The following ABLIM2 variants were observed in gnomAD, a reference collection of about 807,000 sequenced individuals.
ABLIM2 encodes the protein actin binding LIM protein family member 2, also known as actin-binding LIM protein 2.
A neutral mutation model predicts 97.7 loss-of-function variants in ABLIM2; 53 were observed. The ratio of observed to expected loss-of-function variants is 0.54; its 90% CI spans 0.44 to 0.68. The LOEUF (loss-of-function observed/expected upper bound fraction) is 0.68. Ranked by LOEUF, ABLIM2 falls within the 30% of genes least tolerant of loss-of-function variation. ABLIM2 has a pLI of 0.00. For synonymous variants in ABLIM2, 361 were observed against 345.8 expected (o/e 1.04, Z -0.49); for missense variants, 835 against 867.2 (o/e 0.96, Z 0.47).
At chr4:8,013,956 C>T (rs543255938) in intron 14 of ABLIM2, among the ~76,000 whole-genome samples, 1 of 152,358 alleles carries the variant, frequency 6.6e-6, no homozygotes, top group African/African-American at 2.4e-5. Context: ...GCGGCATCAA[C>T]ACACCGACAG....
At position 8,096,127 on chromosome 4, in the gene ABLIM2, C is replaced by T. The variant is rs75778271; in HGVS notation, c.338+972G>A. ...CCCACGCTATCCTTCCGGAAACTGC[C>T]TCCAGGAAGGAAGCTGGGGCAATCA... On this transcript the variant is annotated intron_variant, in intron 3 of 20. Transcript: ENST00000447017. Among the ~76,000 whole-genome samples the T allele has an allele frequency of 7.3e-3, 1,105 of 152,272 alleles. 8 individuals are homozygous for T. Among genetic ancestry groups the T allele is most frequent in the African/African-American group, 0.023 (960 of 41,564 alleles).
rs7661393 is a variant in ABLIM2 at position 8,095,799 on chromosome 4, T to C, written c.338+1300A>G. Among the ~76,000 whole-genome samples the C allele has an allele frequency of 0.31, 47,407 of 152,038 alleles. 7,492 individuals carry two copies. Among genetic ancestry groups the C allele is most frequent in the African/African-American group, 0.36 (14,995 of 41,470 alleles). On this transcript the variant is annotated intron_variant, in intron 3 of 20. Transcript: ENST00000447017. The surrounding 1 kb of genome is among the most constrained non-coding windows in gnomAD (Gnocchi z 4.7). The stretch of plus-strand genomic sequence containing the variant: ...GCGACCTTTTGGTGTCCACACTGCA[T>C]GCCCTGGGGTTCGACGAGGAATCTC...
intron 1 of ABLIM2, among the ~76,000 whole-genome samples, chr4:8,152,677 G>T (rs996650442): frequency 6.6e-6 from 1 of 152,352 alleles, no homozygotes; most frequent in African/African-American, 2.4e-5. Context: ...CGTCCATCAT[G>T]CGGGGATGAC....
intron 8 of ABLIM2, among the ~76,000 whole-genome samples, chr4:8,051,538 T>G (rs1579861245): frequency 1.5e-5 from 2 of 130,442 alleles, no homozygotes; most frequent in African/African-American, 6.0e-5. Flanking sequence ...CACTCCAGCC[T>G]GAAGACAGAG....
rs1824446864 is a variant in ABLIM2, at chr4:8,087,493, G to A, written c.454+676C>T. On this transcript the variant is annotated intron_variant, in intron 4 of 20. Transcript: ENST00000447017. The surrounding 1 kb of genome is among the most constrained non-coding windows in gnomAD (Gnocchi z 4.6). ...GGGAGGTGGAGCAGTGAACCCAAGGGCCCCTGACTGCGGGAGCCCGGAGCT... is the reference window on the plus strand; with the variant it reads ...GGGAGGTGGAGCAGTGAACCCAAGGACCCCTGACTGCGGGAGCCCGGAGCT... 6.6e-6 allele frequency among the ~76,000 whole-genome samples: 1 copy of A among 152,206 alleles called. No homozygotes were observed. Among genetic ancestry groups the A allele is most frequent in the Non-Finnish European group, 1.5e-5 (1 of 68,038 alleles).
Position 8,123,622 on chromosome 4 carries a change from A to G in ABLIM2, c.11-16985T>C, listed in dbSNP as rs1337803538. Among the ~76,000 whole-genome samples the G allele has an allele frequency of 6.6e-6, 1 of 152,246 alleles. No individual in the cohort carries two copies. The highest frequency in any genetic ancestry group is 1.5e-5 in the Non-Finnish European group (1 of 68,038). The stretch of plus-strand genomic sequence containing the variant: ...AAACTGGCTGCAGAGGCTCTGTGAC[A>G]TTCACTAACCACCTGCATGACAGAG... On this transcript the variant is annotated intron_variant, in intron 1 of 20. Coordinates refer to ENST00000447017, the MANE Select transcript of ABLIM2 (RefSeq NM_001130083.2). The surrounding 1 kb of genome is among the most constrained non-coding windows in gnomAD (Gnocchi z 6.2).
chr4:8,101,067 T>TA (rs1266525589), intron 2 of ABLIM2, among the ~76,000 whole-genome samples: 9 of 152,290 alleles, frequency 5.9e-5, no homozygotes, highest in Middle Eastern at 3.4e-3. Flanking sequence ...CCACCCAAGG[T>TA]GCTGTCCACC....
In ABLIM2 at chr4:8,002,615, C is replaced by T. The variant is rs974898372; in HGVS notation, c.1618+5444G>A. On this transcript the variant is annotated intron_variant, in intron 16 of 20. Coordinates refer to ENST00000447017, the MANE Select transcript of ABLIM2 (RefSeq NM_001130083.2). The surrounding 1 kb of genome is among the most constrained non-coding windows in gnomAD (Gnocchi z 6.1). ...TCGGCCTGCTTCCACCAGCTTCTGG[C>T]GAGTCCCAGCTCCGCCACCCTCACC... Among the ~76,000 whole-genome samples, 2 of 152,148 alleles carry T rather than the reference C, an allele frequency of 1.3e-5. No individual in the cohort carries two copies. The highest frequency in any genetic ancestry group is 2.9e-5 in the Non-Finnish European group (2 of 68,024).
chr4:8,056,436 G>C (rs2152027569), intron 7 of ABLIM2, among the ~76,000 whole-genome samples: 2 of 151,602 alleles, frequency 1.3e-5, no homozygotes, highest in East Asian at 4.0e-4. Flanking sequence ...AAGTAACTGG[G>C]ACTACAGAAG....
rs991860079 is a variant in ABLIM2 at position 7,966,164 on chromosome 4, T to A, written c.*826A>T. 3.9e-5 allele frequency: 6 copies of A among 152,626 alleles called. No homozygotes were observed. Among genetic ancestry groups the A allele is most frequent in the Admixed American group, 3.9e-4 (6 of 15,304 alleles). 9.5% of individuals were successfully genotyped at this position (152,626 alleles called of 1,614,324 possible). A position where few individuals can be genotyped will look rare whatever the true frequency, so the allele number is the denominator to read the frequency against. On this transcript the variant is annotated 3_prime_UTR_variant, in exon 21 of 21. Transcript: ENST00000447017. ...AAGAAACTAGACAGGGAGCTCTGTGTATGAGGACCACACCAAGAACAGACT... is the reference window on the plus strand; with the variant it reads ...AAGAAACTAGACAGGGAGCTCTGTGAATGAGGACCACACCAAGAACAGACT...
At chr4:8,086,640 C>T (rs1334052467) in intron 4 of ABLIM2, among the ~76,000 whole-genome samples, 3 of 152,170 alleles carry the variant, frequency 2.0e-5, no homozygotes, top group South Asian at 2.1e-4. Context: ...CCACCACACC[C>T]AGCCCATGTT....
rs1755635093 is a variant in ABLIM2, at chr4:7,999,514, G to C, written c.1619-6587C>G. Among the ~76,000 whole-genome samples, 1 of 152,222 alleles carries C rather than the reference G, an allele frequency of 6.6e-6. No individual in the cohort carries two copies. The highest frequency in any genetic ancestry group is 2.1e-4 in the South Asian group (1 of 4,832). The stretch of plus-strand genomic sequence containing the variant: ...CAAGGTCAAACAGTTACTAACTAGA[G>C]AGGCTGAGATGAGGAGGGCTCCCTA... On this transcript the variant is annotated intron_variant, in intron 16 of 20. Coordinates refer to ENST00000447017, the MANE Select transcript of ABLIM2 (RefSeq NM_001130083.2). The surrounding 1 kb of genome is among the most constrained non-coding windows in gnomAD (Gnocchi z 4.4).
chr4:8,019,769 AC>A lies in ABLIM2; in HGVS notation c.1370-99del. 8.4e-7 allele frequency: 1 copy of A among 1,189,012 alleles called. No homozygotes were observed. Among genetic ancestry groups the A allele is most frequent in the Non-Finnish European group, 1.2e-6 (1 of 820,470 alleles). The allele number at this position is 1,189,012 out of a possible 1,614,324, so 73.7% of individuals were successfully genotyped here. ...AGCTTTTTGTAAGCAACAAGCACTC[AC>A]CCAGATTTAGAATCATCAGGCAGGA... is the stretch of plus-strand genomic sequence containing the variant. On this transcript the variant is annotated intron_variant, in intron 13 of 20. Coordinates refer to ENST00000447017, the MANE Select transcript of ABLIM2 (RefSeq NM_001130083.2). This position sits in a 1 kb window ranked among gnomAD's most constrained non-coding sequence, Gnocchi z 4.3.
rs1354410222 is a variant in ABLIM2 at position 7,965,716 on chromosome 4, TG to T, written c.*1273del. The T allele has an allele frequency of 5.3e-5, 8 of 152,310 alleles. No homozygotes were observed. The East Asian group carries it at 1.5e-3, about 29-fold the overall frequency. 9.4% of individuals were successfully genotyped at this position (152,310 alleles called of 1,614,324 possible). ...AATGACAGACACCAACGCCTTCGCT[TG>T]GGGAGCCCGGCCAGCCTCCTGCTCC... On this transcript the variant is annotated 3_prime_UTR_variant, in exon 21 of 21. Coordinates refer to ENST00000447017, the MANE Select transcript of ABLIM2 (RefSeq NM_001130083.2).
At chr4:8,027,368 C>T (rs1160348097) in intron 12 of ABLIM2, among the ~76,000 whole-genome samples, 1 of 152,196 alleles carries the variant, frequency 6.6e-6, no homozygotes, top group East Asian at 1.9e-4. Context: ...TCAGGGCCCT[C>T]CGTACAGCGT....
rs1481388318 is a variant in ABLIM2 at position 8,127,565 on chromosome 4, C to T, written c.11-20928G>A. 2.3e-6 allele frequency: 3 copies of T among 1,289,632 alleles called. No homozygotes were observed. The highest frequency in any genetic ancestry group is 5.5e-5 in the East Asian group (1 of 18,036). 79.9% of individuals were successfully genotyped at this position (1,289,632 alleles called of 1,614,324 possible). On this transcript the variant is annotated intron_variant, in intron 1 of 20. Coordinates refer to ENST00000447017, the MANE Select transcript of ABLIM2 (RefSeq NM_001130083.2). This position sits in a 1 kb window ranked among gnomAD's most constrained non-coding sequence, Gnocchi z 7.3. ...GATTTACCTGTGTCTCCCCCTGGCA[C>T]CCCCATGGAGCGTGGCTGCTTGCAA...
rs1742287981 is a variant in ABLIM2, at chr4:7,984,837, A to G, written c.1735+2T>C. On this transcript the variant is annotated splice_donor_variant, in intron 18 of 20. Transcript: ENST00000447017. LOFTEE classifies it high-confidence loss of function. The stretch of plus-strand genomic sequence containing the variant: ...GACCCACAGGGTCCCCGCTCTGTGT[A>G]CCTCGCATGCCCCAGCTGGCATCCG... 6.3e-7 allele frequency: 1 copy of G among 1,598,368 alleles called. No individual in the cohort carries two copies. Among genetic ancestry groups the G allele is most frequent in the East Asian group, 2.3e-5 (1 of 44,352 alleles).
Position 8,032,587 on chromosome 4 carries a change from T to C in ABLIM2, c.1048-2811A>G, listed in dbSNP as rs368159842. 75 of 1,607,618 alleles carry C rather than the reference T, an allele frequency of 4.7e-5. No individual in the cohort carries two copies. The African/African-American group carries it at 8.4e-4, about 18-fold the overall frequency. ...TCCCGGGAGTGCGGCTGGGTGGTTA[T>C]GTTTATAACCCAGGCAGCAGCGCCA... On this transcript the variant is annotated intron_variant, in intron 10 of 20. Coordinates refer to ENST00000447017, the MANE Select transcript of ABLIM2 (RefSeq NM_001130083.2). The surrounding 1 kb of genome is among the most constrained non-coding windows in gnomAD (Gnocchi z 4.3).
chr4:8,086,737 A>T (rs1577457045), intron 4 of ABLIM2, among the ~76,000 whole-genome samples: 1 of 151,944 alleles, frequency 6.6e-6, no homozygotes, highest in African/African-American at 2.4e-5. Context: ...AGAGCTTTTG[A>T]TTACTATCTG....
Sources: gnomAD v4.1 joint callset for allele counts (sites outside exome capture counted in the v4.1 genomes callset) on GRCh38, gnomAD v4.1.1 for gene constraint, Gnocchi (gnomAD v3.1) non-coding constraint, MANE v1.5 for transcripts, NCBI Gene and HGNC (gene_info 2026-07-23, HGNC 2026-07-21) for gene names.